Variants in DPP10 observed in about 807,000 individuals in gnomAD.
The protein encoded by DPP10 is dipeptidyl peptidase like 10.
DPP10 carries 33 observed loss-of-function variants against 120.9 expected under a neutral mutation model. That is an observed-to-expected ratio of 0.27 (90% CI 0.21 to 0.37). The LOEUF is 0.37. Ranked by LOEUF, DPP10 falls within the 10% of genes least tolerant of loss-of-function variation. The pLI is 1.00. For synonymous variants in DPP10, 337 were observed against 326.1 expected (o/e 1.03, Z -0.36); for missense variants, 816 against 942.8 (o/e 0.87, Z 1.76).
At chr2:115,400,864 G>A (rs2068024067) in intron 3 of DPP10, among the ~76,000 whole-genome samples, 1 of 152,182 alleles carries the variant, frequency 6.6e-6, no homozygotes, top group African/African-American at 2.4e-5. Context: ...GTAACAGCGG[G>A]CATTGAAAAC....
At chr2:114,938,390 C>T (rs140167603) in intron 1 of DPP10, among the ~76,000 whole-genome samples, 39 of 152,050 alleles carry the variant, frequency 2.6e-4, no homozygotes, top group Non-Finnish European at 3.4e-4. Context: ...GTTTTATATA[C>T]GCCACTGGTC....
At chr2:115,246,020 A>C (rs1288831580) in intron 1 of DPP10, among the ~76,000 whole-genome samples, 1 of 152,120 alleles carries the variant, frequency 6.6e-6, no homozygotes, top group African/African-American at 2.4e-5. Flanking sequence ...GTGATGTCAG[A>C]AATATCCGGA....
chr2:114,956,445 A>G (rs1234779681), intron 1 of DPP10, among the ~76,000 whole-genome samples: 1 of 152,110 alleles, frequency 6.6e-6, no homozygotes, highest in Non-Finnish European at 1.5e-5. Context: ...AAAACATTGA[A>G]GAAGAGACAA....
At chr2:115,621,411 A>G (rs1214013685) in intron 5 of DPP10, among the ~76,000 whole-genome samples, 1 of 152,190 alleles carries the variant, frequency 6.6e-6, no homozygotes, top group Non-Finnish European at 1.5e-5. Context: ...ATACTTTGTG[A>G]TACACAGTTG....
intron 1 of DPP10, among the ~76,000 whole-genome samples, chr2:114,595,276 C>CA (rs950306114): frequency 2.6e-5 from 4 of 151,598 alleles, no homozygotes; most frequent in African/African-American, 4.8e-5. Flanking sequence ...AAAACAACAA[C>CA]AAAAAAAAGA....
At chr2:115,836,121 T>TAC (rs780958724) in intron 21 of DPP10, 36 bp from the exon 22 acceptor site, 3 of 104,430 alleles carry the variant, frequency 2.9e-5, no homozygotes, top group Non-Finnish European at 4.8e-5. Context: ...GTGTGTGAGA[T>TAC]ATATATATAT....
chr2:115,588,990 G>A (rs746150601), intron 5 of DPP10, among the ~76,000 whole-genome samples: 3 of 152,054 alleles, frequency 2.0e-5, no homozygotes, highest in Admixed American at 6.6e-5. Context: ...CTTGTAAAAC[G>A]AAAAATTGGA....
chr2:115,752,185 T>C (rs13399194), intron 10 of DPP10, among the ~76,000 whole-genome samples: 6,901 of 152,268 alleles, frequency 0.045, 538 homozygotes, highest in African/African-American at 0.16. Context: ...TCAGATGAGA[T>C]TGGGCATGTT....
chr2:114,835,576 G>A (rs1687667143), intron 1 of DPP10: 1 of 152,016 alleles, frequency 6.6e-6, no homozygotes, highest in Non-Finnish European at 1.5e-5. Context: ...GGCTTTTCTA[G>A]TGGAAGGCTG....
intron 2 of DPP10, among the ~76,000 whole-genome samples, chr2:115,336,391 G>T (rs1208630874): frequency 6.6e-6 from 1 of 151,764 alleles, no homozygotes; most frequent in Non-Finnish European, 1.5e-5. Flanking sequence ...AACCAATAAG[G>T]ATTCTGTTTC....
intron 1 of DPP10, among the ~76,000 whole-genome samples, chr2:114,481,473 G>A (rs1220706654): frequency 1.3e-5 from 2 of 152,104 alleles, no homozygotes; most frequent in African/African-American, 4.8e-5. Flanking sequence ...TAATCAAAAT[G>A]TTAAGAGGTA....
At chr2:115,482,331 G>A (rs2075490016) in intron 3 of DPP10, among the ~76,000 whole-genome samples, 1 of 150,972 alleles carries the variant, frequency 6.6e-6, no homozygotes, top group African/African-American at 2.4e-5. Context: ...GTTAGTATAG[G>A]GGAACAAATT....
chr2:114,698,229 C>G (rs1559014336), intron 1 of DPP10, among the ~76,000 whole-genome samples: 3 of 152,000 alleles, frequency 2.0e-5, no homozygotes, highest in Admixed American at 6.6e-5. Flanking sequence ...GCTCTTGGCT[C>G]TCTCTGAGGG....
At chr2:114,623,302 G>C (rs1694241272) in intron 1 of DPP10, among the ~76,000 whole-genome samples, 1 of 152,060 alleles carries the variant, frequency 6.6e-6, no homozygotes, top group South Asian at 2.1e-4. Flanking sequence ...AAAATCTCCT[G>C]TGAAATACAC....
intron 1 of DPP10, among the ~76,000 whole-genome samples, chr2:115,291,812 G>T (rs1041138755): frequency 6.6e-6 from 1 of 152,068 alleles, no homozygotes; most frequent in African/African-American, 2.4e-5. Context: ...CAATACCAAG[G>T]CTCGGGTGGC....
At chr2:114,795,743 A>G (rs1683650306) in intron 1 of DPP10, among the ~76,000 whole-genome samples, 1 of 152,210 alleles carries the variant, frequency 6.6e-6, no homozygotes, top group Non-Finnish European at 1.5e-5. Context: ...AAAAATAGGA[A>G]GAAGTTAGGT....
At chr2:114,931,817 A>C (rs1212445822) in intron 1 of DPP10, among the ~76,000 whole-genome samples, 1 of 152,256 alleles carries the variant, frequency 6.6e-6, no homozygotes, top group Admixed American at 6.5e-5. Context: ...AAGGTTGCCC[A>C]GTAAAATGTT....
intron 2 of DPP10, among the ~76,000 whole-genome samples, chr2:115,328,061 C>G (rs1170844862): frequency 1.3e-5 from 2 of 151,992 alleles, no homozygotes; most frequent in African/African-American, 2.4e-5. Flanking sequence ...CACCAGAAAC[C>G]TCTGGTGTAG....
chr2:114,557,929 T>A (rs1688453418), intron 1 of DPP10, among the ~76,000 whole-genome samples: 1 of 152,166 alleles, frequency 6.6e-6, no homozygotes, highest in East Asian at 1.9e-4. Flanking sequence ...TCTTGAATTC[T>A]TTTTCCAAAT....
Sources: allele counts gnomAD v4.1 joint callset (sites outside exome capture counted in the v4.1 genomes callset), GRCh38; gene constraint gnomAD v4.1.1; transcripts MANE v1.5; gene names NCBI Gene and HGNC (gene_info 2026-07-23, HGNC 2026-07-21).